ST6GALNAC5: variants seen among roughly 807,000 people sequenced by gnomAD.
The protein encoded by ST6GALNAC5 is alpha-N-acetylgalactosaminide alpha-2,6-sialyltransferase 5.
ST6GALNAC5 carries 27 observed loss-of-function variants against 33.6 expected under a neutral mutation model. The ratio of observed to expected loss-of-function variants is 0.80; its 90% CI spans 0.59 to 1.11. The LOEUF (loss-of-function observed/expected upper bound fraction) is 1.11, where lower values mean the gene tolerates loss of function less well. Ranked by LOEUF, ST6GALNAC5 falls within the 50% of genes least tolerant of loss-of-function variation. The pLI is 0.00. For synonymous variants in ST6GALNAC5, 194 were observed against 171.2 expected, an observed-to-expected ratio of 1.13 and a Z score of -1.04; for missense variants, 428 against 454.0, an observed-to-expected ratio of 0.94 and a Z score of 0.52.
intron 2 of ST6GALNAC5, among the ~76,000 whole-genome samples, chr1:77,034,138 G>A (rs546356628): frequency 6.6e-6 from 1 of 152,114 alleles, no homozygotes; most frequent in Non-Finnish European, 1.5e-5. Context: ...CAGTTCTGGA[G>A]GTTAAAAGTA....
intron 2 of ST6GALNAC5, among the ~76,000 whole-genome samples, chr1:76,907,328 T>C (rs1312117223): frequency 6.6e-6 from 1 of 152,130 alleles, no homozygotes; most frequent in African/African-American, 2.4e-5. Flanking sequence ...AAGCCTCCTG[T>C]TCCTATTATC....
chr1:77,040,505 T>C (rs2100457920), intron 2 of ST6GALNAC5, among the ~76,000 whole-genome samples: 1 of 152,252 alleles, frequency 6.6e-6, no homozygotes, highest in South Asian at 2.1e-4. Flanking sequence ...AGGGTCAGTA[T>C]GGCAAGGTCA....
intron 2 of ST6GALNAC5, among the ~76,000 whole-genome samples, chr1:76,896,946 G>A (rs1271612926): frequency 6.6e-6 from 1 of 152,132 alleles, no homozygotes; most frequent in Non-Finnish European, 1.5e-5. Flanking sequence ...TCTTGTATAA[G>A]AATTCTGACC....
At chr1:76,971,248 G>A (rs745560194) in intron 2 of ST6GALNAC5, among the ~76,000 whole-genome samples, 25 of 152,044 alleles carry the variant, frequency 1.6e-4, no homozygotes, top group Admixed American at 2.6e-4. Flanking sequence ...CCCGTGATGC[G>A]TCGTGATGTC....
At chr1:77,021,560 A>G (rs1651055347) in intron 2 of ST6GALNAC5, among the ~76,000 whole-genome samples, 1 of 152,128 alleles carries the variant, frequency 6.6e-6, no homozygotes, top group South Asian at 2.1e-4. Context: ...GGCAATATCC[A>G]ATTGTGTGAG....
chr1:76,966,380 C>T (rs1179962910), intron 2 of ST6GALNAC5, among the ~76,000 whole-genome samples: 1 of 152,130 alleles, frequency 6.6e-6, no homozygotes, highest in South Asian at 2.1e-4. Flanking sequence ...AATGGGAGTT[C>T]ACTGATGATT....
chr1:76,870,240 T>C (rs1043592138), intron 2 of ST6GALNAC5, among the ~76,000 whole-genome samples: 2 of 152,188 alleles, frequency 1.3e-5, no homozygotes, highest in Non-Finnish European at 2.9e-5. Flanking sequence ...GCTGGAGTTC[T>C]AGGAAAGTTT....
intron 2 of ST6GALNAC5, among the ~76,000 whole-genome samples, chr1:76,920,142 C>T (rs890339519): frequency 1.3e-5 from 2 of 152,122 alleles, no homozygotes; most frequent in African/African-American, 4.8e-5. Context: ...ATATCCATAT[C>T]ATTCATGTCC....
chr1:76,909,407 G>A (rs773197632), intron 2 of ST6GALNAC5, among the ~76,000 whole-genome samples: 1 of 152,068 alleles, frequency 6.6e-6, no homozygotes, highest in Non-Finnish European at 1.5e-5. Flanking sequence ...GGGTTGTTAT[G>A]AAGTATTACA....
intron 2 of ST6GALNAC5, among the ~76,000 whole-genome samples, chr1:77,031,634 A>G (rs1651460505): frequency 6.6e-6 from 1 of 152,192 alleles, no homozygotes; most frequent in Non-Finnish European, 1.5e-5. Flanking sequence ...TAAATATTTG[A>G]TTTGGGATAG....
At chr1:77,013,518 T>A (rs901394546) in intron 2 of ST6GALNAC5, among the ~76,000 whole-genome samples, 3 of 152,208 alleles carry the variant, frequency 2.0e-5, no homozygotes, top group African/African-American at 7.2e-5. Context: ...CTGAAAACCA[T>A]CCTCTCCTAA....
intron 2 of ST6GALNAC5, among the ~76,000 whole-genome samples, chr1:76,977,613 C>G (rs1318529906): frequency 2.0e-5 from 3 of 152,154 alleles, no homozygotes; most frequent in Non-Finnish European, 4.4e-5. Flanking sequence ...ATAATGTCCT[C>G]TAGGTTTATG....
intron 2 of ST6GALNAC5, among the ~76,000 whole-genome samples, chr1:76,983,482 C>T (rs1056150401): frequency 2.0e-5 from 3 of 152,148 alleles, no homozygotes; most frequent in African/African-American, 7.2e-5. Flanking sequence ...AATATATACG[C>T]ACCCAATACA....
intron 2 of ST6GALNAC5, among the ~76,000 whole-genome samples, chr1:76,927,174 A>C (rs1349667904): frequency 6.6e-6 from 1 of 152,104 alleles, no homozygotes; most frequent in Non-Finnish European, 1.5e-5. Context: ...ACCTTCAAAT[A>C]ACACCTAGTA....
chr1:76,942,603 C>T (rs976023403), intron 2 of ST6GALNAC5, among the ~76,000 whole-genome samples: 3 of 152,096 alleles, frequency 2.0e-5, no homozygotes, highest in African/African-American at 7.2e-5. Context: ...CTAAGCACAG[C>T]AGCACATCTT....
intron 2 of ST6GALNAC5, among the ~76,000 whole-genome samples, chr1:77,012,010 G>A (rs1650653700): frequency 6.6e-6 from 1 of 152,154 alleles, no homozygotes; most frequent in Non-Finnish European, 1.5e-5. Context: ...ATTTGCCCAA[G>A]GTTCCATAGC....
intron 2 of ST6GALNAC5, among the ~76,000 whole-genome samples, chr1:76,930,866 G>A (rs116514782): frequency 0.013 from 2,026 of 152,246 alleles, 49 homozygotes; most frequent in African/African-American, 0.046. Flanking sequence ...ATAAAGGGAA[G>A]ATATATTGGT....
chr1:76,973,714 T>G (rs1045819613), intron 2 of ST6GALNAC5, among the ~76,000 whole-genome samples: 3 of 152,152 alleles, frequency 2.0e-5, no homozygotes, highest in African/African-American at 7.2e-5. Context: ...TTATCTCTAG[T>G]GCATTATGAT....
chr1:76,893,605 A>G (rs1342977808), intron 2 of ST6GALNAC5, among the ~76,000 whole-genome samples: 1 of 152,330 alleles, frequency 6.6e-6, no homozygotes, highest in Non-Finnish European at 1.5e-5. Context: ...GGAAGGACTC[A>G]GGAAATATTA....
Sources: allele counts gnomAD v4.1 joint callset (sites outside exome capture counted in the v4.1 genomes callset), GRCh38; gene constraint gnomAD v4.1.1; transcripts MANE v1.5; gene names NCBI Gene and HGNC (gene_info 2026-07-23, HGNC 2026-07-21).